The following LAMP1 variants were observed in gnomAD, a reference collection of about 807,000 sequenced individuals.
LAMP1 encodes the protein lysosome associated membrane protein 1.
A neutral mutation model predicts 37.5 loss-of-function variants in LAMP1; 7 were observed. The observed-to-expected ratio is 0.19, with a 90% CI of 0.11 to 0.35. LAMP1 has a LOEUF of 0.35. Ranked by LOEUF, LAMP1 falls within the 10% of genes least tolerant of loss-of-function variation. The probability of loss-of-function intolerance (pLI) is 1.00; values close to 1 mark genes in which losing one functional copy is unlikely to be tolerated. For synonymous variants in LAMP1, 236 were observed against 229.1 expected (o/e 1.03, Z -0.27); for missense variants, 537 against 552.8 (o/e 0.97, Z 0.29).
In LAMP1 at chr13:113,310,874, C is replaced by T. The variant is rs189007606; in HGVS notation, c.562+7C>T. ...AGCAGCTTCAGCCGGGGAGGTAGGA[C>T]GCTGACCCTTGGCCCTCTGGTGCTA... On this transcript the variant is annotated splice_region_variant and intron_variant, in intron 4 of 8. Coordinates refer to ENST00000332556, the MANE Select transcript of LAMP1 (RefSeq NM_005561.4). 26 of 1,611,728 alleles carry T rather than the reference C, an allele frequency of 1.6e-5. No homozygotes were observed. The highest frequency in any genetic ancestry group is 5.0e-5 in the Admixed American group (3 of 59,640).
At chr13:113,319,304 G>A (rs1266003066) in intron 4 of LAMP1, among the ~76,000 whole-genome samples, 165 bp from the exon 5 acceptor site, 1 of 152,232 alleles carries the variant, frequency 6.6e-6, no homozygotes, top group East Asian at 1.9e-4. Context: ...TCTTTCCTGC[G>A]CGTCTAGAAA....
chr13:113,309,415 A>G (rs1288714585), intron 2 of LAMP1, among the ~76,000 whole-genome samples: 1 of 152,164 alleles, frequency 6.6e-6, no homozygotes, highest in Non-Finnish European at 1.5e-5. Flanking sequence ...ATTTTTGATT[A>G]TATGAATTAT....
At chr13:113,314,409 C>T (rs1418933489) in intron 4 of LAMP1, among the ~76,000 whole-genome samples, 1 of 110,882 alleles carries the variant, frequency 9.0e-6, no homozygotes, top group Non-Finnish European at 1.7e-5. Flanking sequence ...TGGGGCGTGG[C>T]CTCCTAGAGG....
chr13:113,300,342 G>C (rs1332123890), intron 1 of LAMP1, among the ~76,000 whole-genome samples: 1 of 152,074 alleles, frequency 6.6e-6, no homozygotes, highest in Admixed American at 6.6e-5. Flanking sequence ...TTAGCCAGGC[G>C]TGGTGTGGTG....
rs185857358 is a variant in LAMP1 at position 113,304,303 on chromosome 13, G to C, written c.62-2182G>C. 2.0e-5 allele frequency among the ~76,000 whole-genome samples: 3 copies of C among 152,294 alleles called. No individual in the cohort carries two copies. In the East Asian group the frequency reaches 5.8e-4, roughly 29 times the overall value. On this transcript the variant is annotated intron_variant, in intron 1 of 8. Coordinates refer to ENST00000332556, the MANE Select transcript of LAMP1 (RefSeq NM_005561.4). ...GCCCTGTGACTCCTCACCTGAGGGC[G>C]GGGTGGGCAGTCTCCCTGTCCACGC...
intron 1 of LAMP1, among the ~76,000 whole-genome samples, chr13:113,300,500 A>AG (rs1437388816): frequency 6.6e-5 from 10 of 150,560 alleles, no homozygotes; most frequent in African/African-American, 2.2e-4. Context: ...AAAAAAAAAA[A>AG]AAAAAGAAAA....
chr13:113,306,710 C>T, intron 2 of LAMP1, 104 bp downstream of exon 2: 1 of 1,258,730 alleles, frequency 7.9e-7, no homozygotes, highest in South Asian at 1.4e-5. Flanking sequence ...GAACATGGTG[C>T]TTTTCCTATC....
Position 113,306,568 on chromosome 13 carries a change from G to A in LAMP1, c.145G>A (p.Ala49Thr). ...TACIMANFSA[A>T]FSVNYDTKSG... ...GTGCATAATGGCCAACTTCTCTGCT[G>A]CCTTCTCAGTGAACTACGACACCAA... Residue 49 changes from alanine (A) to threonine (T), a missense_variant, in exon 2 of 9, where the codon GCC becomes ACC. Transcript: ENST00000332556. 6.2e-7 allele frequency: 1 copy of A among 1,614,094 alleles called. No homozygotes were observed. Among genetic ancestry groups the A allele is most frequent in the Non-Finnish European group, 8.5e-7 (1 of 1,179,996 alleles).
chr13:113,312,181 A>G (rs1250682880), intron 4 of LAMP1, among the ~76,000 whole-genome samples: 2 of 152,188 alleles, frequency 1.3e-5, no homozygotes, highest in Non-Finnish European at 2.9e-5. Context: ...GCAGGTCGGC[A>G]CCCCATGGTG....
intron 2 of LAMP1, 129 bp from the exon 3 acceptor site, chr13:113,309,514 G>T: frequency 1.5e-6 from 1 of 650,566 alleles, no homozygotes. Context: ...TTAAAAATGA[G>T]TACCTCAGTA....
At chr13:113,313,878 T>C (rs1265427644) in intron 4 of LAMP1, among the ~76,000 whole-genome samples, 1 of 116,476 alleles carries the variant, frequency 8.6e-6, no homozygotes, top group Non-Finnish European at 1.6e-5. Context: ...GCCTGGGGCA[T>C]GGCCTCCTGG....
intron 2 of LAMP1, among the ~76,000 whole-genome samples, chr13:113,309,125 CAG>C (rs2042615759): frequency 1.3e-5 from 2 of 152,122 alleles, no homozygotes; most frequent in Admixed American, 6.5e-5. Flanking sequence ...TGTTTGGAGA[CAG>C]AGTCTTGCTC....
At chr13:113,299,539 G>A (rs559855848) in intron 1 of LAMP1, among the ~76,000 whole-genome samples, 29 of 149,014 alleles carry the variant, frequency 1.9e-4, no homozygotes, top group African/African-American at 6.4e-4. Flanking sequence ...CTGGGAGTAC[G>A]GGTTTGAGCC....
At chr13:113,316,932 C>T (rs563266886) in intron 4 of LAMP1, among the ~76,000 whole-genome samples, 6 of 151,400 alleles carry the variant, frequency 4.0e-5, no homozygotes, top group Non-Finnish European at 7.4e-5. Flanking sequence ...TCCCTCAGGA[C>T]AGGTGAAAGG....
At chr13:113,301,508 A>G (rs1452698485) in intron 1 of LAMP1, among the ~76,000 whole-genome samples, 1 of 151,546 alleles carries the variant, frequency 6.6e-6, no homozygotes, top group Non-Finnish European at 1.5e-5. Flanking sequence ...CTGTAGTCAT[A>G]GCTACTTGGA....
chr13:113,316,033 G>A (rs1258476083), intron 4 of LAMP1, among the ~76,000 whole-genome samples: 1 of 152,152 alleles, frequency 6.6e-6, no homozygotes, highest in East Asian at 1.9e-4. Context: ...AACCCGAGAG[G>A]TGGAGGTTGC....
At chr13:113,309,909 G>A (rs777013697) in intron 3 of LAMP1, 47 bp downstream of exon 3, 2 of 1,487,768 alleles carry the variant, frequency 1.3e-6, no homozygotes, top group South Asian at 2.3e-5. Flanking sequence ...AAATTGGGTT[G>A]GAGGATTGTC....
At chr13:113,301,643 AAATATATAT>A (rs1426888729) in intron 1 of LAMP1, among the ~76,000 whole-genome samples, 12 of 4,854 alleles carry the variant, frequency 2.5e-3, no homozygotes, top group African/African-American at 0.01. Context: ...AAAAAAAAAA[AAATATATAT>A]ATATATATAT....
intron 1 of LAMP1, among the ~76,000 whole-genome samples, chr13:113,302,410 A>G (rs1277339002): frequency 6.6e-6 from 1 of 151,774 alleles, no homozygotes; most frequent in Non-Finnish European, 1.5e-5. Context: ...GGCTAGTCTC[A>G]AACTCCTGAC....
Sources: gnomAD v4.1 joint callset for allele counts (sites outside exome capture counted in the v4.1 genomes callset) on GRCh38, gnomAD v4.1.1 for gene constraint, MANE v1.5 for transcripts, NCBI Gene and HGNC (gene_info 2026-07-23, HGNC 2026-07-21) for gene names.